The following DLGAP2 variants were observed in gnomAD, a reference collection of about 807,000 sequenced individuals.
DLGAP2 encodes disks large-associated protein 2.
DLGAP2 carries 26 observed loss-of-function variants against 100.3 expected under a neutral mutation model. The ratio of observed to expected loss-of-function variants is 0.26; its 90% CI spans 0.19 to 0.36. DLGAP2 has a LOEUF of 0.36. Among genes scored for constraint, DLGAP2 ranks in the 10% least tolerant of loss-of-function variants. The probability of loss-of-function intolerance (pLI) is 1.00; values close to 1 mark genes in which losing one functional copy is unlikely to be tolerated. For missense variants in DLGAP2, 1,858 were observed against 1,453.2 expected, an observed-to-expected ratio of 1.28 and a Z score of -4.53; for synonymous variants, 886 against 630.1, an observed-to-expected ratio of 1.41 and a Z score of -6.08.
chr8:995,452 CAA>C (rs1178376902), intron 2 of DLGAP2, among the ~76,000 whole-genome samples: 1 of 152,042 alleles, frequency 6.6e-6, no homozygotes, highest in East Asian at 1.9e-4. Context: ...AATCAAAAAC[CAA>C]GTCTCATTAT....
chr8:1,045,263 T>A (rs1442398415), intron 2 of DLGAP2, among the ~76,000 whole-genome samples: 1 of 152,236 alleles, frequency 6.6e-6, no homozygotes, highest in Non-Finnish European at 1.5e-5. Flanking sequence ...ATCCACCTAA[T>A]AGTTTGGTTG....
intron 1 of DLGAP2, among the ~76,000 whole-genome samples, chr8:888,974 G>A (rs1461455171): frequency 1.3e-5 from 2 of 152,132 alleles, no homozygotes; most frequent in Non-Finnish European, 2.9e-5. Context: ...TCCGAAAAGA[G>A]AGTCATTGAA....
At chr8:1,064,113 G>C (rs1337810961) in intron 2 of DLGAP2, among the ~76,000 whole-genome samples, 1 of 152,162 alleles carries the variant, frequency 6.6e-6, no homozygotes, top group East Asian at 1.9e-4. Flanking sequence ...AAAGCTTTAG[G>C]TCATGGGGAC....
At chr8:1,433,327 G>A (rs555909988) in intron 3 of DLGAP2, among the ~76,000 whole-genome samples, 14 of 152,340 alleles carry the variant, frequency 9.2e-5, no homozygotes, top group African/African-American at 3.1e-4. Flanking sequence ...TGGCCGTCAG[G>A]GGCATCCAGT....
At position 1,024,667 on chromosome 8, in the gene DLGAP2, G is replaced by A. The variant is rs867282713; in HGVS notation, c.73+116701G>A. On this transcript the variant is annotated intron_variant, in intron 2 of 14. Transcript: ENST00000637795. ...ACTAAAACTAAAAGGAGGCAACAGAGGAGGAGTGCGGTGGGTTTGTTCTCT... is the reference window on the plus strand; with the variant it reads ...ACTAAAACTAAAAGGAGGCAACAGAAGAGGAGTGCGGTGGGTTTGTTCTCT... Among the ~76,000 whole-genome samples, 3 of 152,318 alleles carry A rather than the reference G, an allele frequency of 2.0e-5. No homozygotes were observed. In the South Asian group the frequency reaches 6.2e-4, roughly 32 times the overall value.
chr8:996,948 C>G (rs1054641820), intron 2 of DLGAP2, among the ~76,000 whole-genome samples: 1 of 152,198 alleles, frequency 6.6e-6, no homozygotes. Flanking sequence ...TGGAACCCTT[C>G]ATAGACCAGG....
At chr8:833,079 T>C (rs1408571872) in intron 1 of DLGAP2, among the ~76,000 whole-genome samples, 1 of 152,220 alleles carries the variant, frequency 6.6e-6, no homozygotes. Flanking sequence ...TGAGCAGCAC[T>C]GGGGTTGATA....
intron 4 of DLGAP2, among the ~76,000 whole-genome samples, chr8:1,529,475 A>G (rs1245165145): frequency 2.0e-5 from 3 of 152,182 alleles, no homozygotes; most frequent in African/African-American, 4.8e-5. Context: ...TTCAGAAGCA[A>G]CAGGAGAGCT....
chr8:983,194 C>A (rs575724282), intron 2 of DLGAP2, among the ~76,000 whole-genome samples: 21 of 152,290 alleles, frequency 1.4e-4, no homozygotes, highest in Middle Eastern at 3.4e-3. Context: ...TTTAAATATG[C>A]CCTTAGAATC....
intron 2 of DLGAP2, among the ~76,000 whole-genome samples, chr8:1,207,736 T>C (rs1038764984): frequency 6.6e-6 from 1 of 152,194 alleles, no homozygotes; most frequent in Non-Finnish European, 1.5e-5. Context: ...TCTATTTTTT[T>C]ATTTTTTAAT....
intron 3 of DLGAP2, among the ~76,000 whole-genome samples, chr8:1,287,809 GGAC>G (rs1213108489): frequency 1.6e-5 from 2 of 124,936 alleles, no homozygotes; most frequent in Admixed American, 8.3e-5. Context: ...GGTTCTGTTA[GGAC>G]GGGAACTAGT....
At chr8:987,442 A>C (rs1211571570) in intron 2 of DLGAP2, among the ~76,000 whole-genome samples, 1 of 152,038 alleles carries the variant, frequency 6.6e-6, no homozygotes, top group Non-Finnish European at 1.5e-5. Flanking sequence ...TCCTGTTTTG[A>C]AGATCAGGTC....
intron 2 of DLGAP2, among the ~76,000 whole-genome samples, chr8:1,095,070 C>T (rs566724113): frequency 1.2e-4 from 17 of 141,164 alleles, no homozygotes; most frequent in African/African-American, 3.9e-4. Context: ...GGACCACCTT[C>T]CCAGGGTGGA....
chr8:903,765 C>T (rs951263444), intron 1 of DLGAP2, among the ~76,000 whole-genome samples: 2 of 152,210 alleles, frequency 1.3e-5, no homozygotes, highest in African/African-American at 4.8e-5. Context: ...CGCCTCCAGA[C>T]ATGACCTTAT....
rs573357607 is a variant in DLGAP2 at position 1,553,734 on chromosome 8, G to A, written c.1230+4051G>A. ...GCCATTCGCTGAAGGACGTGTTGCG[G>A]GTCCCATCACCGAGTTCTGAGCTTT... On this transcript the variant is annotated intron_variant, in intron 5 of 14. Transcript: ENST00000637795. Among the ~76,000 whole-genome samples the A allele has an allele frequency of 4.6e-5, 7 of 152,192 alleles. No individual in the cohort carries two copies. The South Asian group carries it at 1.5e-3, about 32-fold the overall frequency.
At chr8:1,124,061 C>T (rs1309861954) in intron 2 of DLGAP2, among the ~76,000 whole-genome samples, 2 of 152,160 alleles carry the variant, frequency 1.3e-5, no homozygotes, top group African/African-American at 4.8e-5. Context: ...GCAGACCAAA[C>T]AGCACTGTCC....
intron 1 of DLGAP2, among the ~76,000 whole-genome samples, chr8:854,705 A>G (rs1797244597): frequency 6.6e-6 from 1 of 151,876 alleles, no homozygotes; most frequent in Non-Finnish European, 1.5e-5. Flanking sequence ...GGGTGAGGGG[A>G]CATGGAGGGC....
chr8:753,843 T>C (rs1054165233), intron 1 of DLGAP2: 2 of 152,236 alleles, frequency 1.3e-5, no homozygotes, highest in Admixed American at 1.3e-4. Context: ...AAGCTGGGTA[T>C]GTTGAGTGGG....
chr8:952,230 A>G (rs895792900), intron 2 of DLGAP2, among the ~76,000 whole-genome samples: 3 of 152,206 alleles, frequency 2.0e-5, no homozygotes, highest in Non-Finnish European at 4.4e-5. Context: ...ATTTCCCAGT[A>G]CATCCTAGAG....
Sources: allele counts gnomAD v4.1 joint callset (sites outside exome capture counted in the v4.1 genomes callset), GRCh38; gene constraint gnomAD v4.1.1; transcripts MANE v1.5; gene names NCBI Gene and HGNC (gene_info 2026-07-23, HGNC 2026-07-21).